The following GCC2 variants were observed in gnomAD, a reference collection of about 807,000 sequenced individuals.
The protein encoded by GCC2 is GRIP and coiled-coil domain-containing protein 2.
Under a neutral mutation model 210.6 loss-of-function variants are expected in GCC2, and 120 were observed. The ratio of observed to expected loss-of-function variants is 0.57; its 90% CI spans 0.49 to 0.66. GCC2 has a LOEUF of 0.66. GCC2 is among the 30% of genes least tolerant of loss of function. The pLI, the probability that GCC2 is intolerant of heterozygous loss-of-function variation, is 0.00. For synonymous variants in GCC2, 703 were observed against 652.7 expected (o/e 1.08, Z -1.17); for missense variants, 1,868 against 1,871.9 (o/e 1.00, Z 0.04).
intron 9 of GCC2, among the ~76,000 whole-genome samples, chr2:108,479,810 C>T (rs1197927915): frequency 6.6e-6 from 1 of 151,924 alleles, no homozygotes; most frequent in East Asian, 1.9e-4. Flanking sequence ...GGTGAAACCC[C>T]ATCTCTACTA....
At chr2:108,500,618 T>C (rs1232090137) in intron 22 of GCC2, among the ~76,000 whole-genome samples, 1 of 152,264 alleles carries the variant, frequency 6.6e-6, no homozygotes, top group East Asian at 1.9e-4. Flanking sequence ...ATGCTTCATA[T>C]ACAACTGCTA....
chr2:108,466,116 T>C (rs1213441031), intron 4 of GCC2, among the ~76,000 whole-genome samples: 2 of 152,246 alleles, frequency 1.3e-5, no homozygotes, highest in African/African-American at 4.8e-5. Context: ...CTTTGCCCAC[T>C]TTTTAATGGG....
chr2:108,449,386 C>A, intron 1 of GCC2, 106 bp downstream of exon 1: 2 of 1,474,944 alleles, frequency 1.4e-6, no homozygotes, highest in Non-Finnish European at 9.1e-7. Flanking sequence ...TCTTGGTGTC[C>A]CGAAGCCCGC....
chr2:108,456,669 T>G (rs188117299), intron 4 of GCC2, among the ~76,000 whole-genome samples: 1 of 152,076 alleles, frequency 6.6e-6, no homozygotes, highest in Non-Finnish European at 1.5e-5. Context: ...TTGTTTCTTT[T>G]GCTATGCAGA....
intron 22 of GCC2, among the ~76,000 whole-genome samples, chr2:108,506,631 G>T (rs1683200823): frequency 6.6e-6 from 1 of 152,116 alleles, no homozygotes; most frequent in South Asian, 2.1e-4. Context: ...TAAAACTTTG[G>T]TTTTTGTTTG....
At chr2:108,486,822 C>T (rs3754924) in intron 16 of GCC2, among the ~76,000 whole-genome samples, 174 bp downstream of exon 16, 18 of 152,284 alleles carry the variant, frequency 1.2e-4, no homozygotes, top group Middle Eastern at 3.4e-3. Context: ...CAACCCTAAT[C>T]GTAAGTTGGA....
At chr2:108,461,071 C>T (rs1240896533) in intron 4 of GCC2, among the ~76,000 whole-genome samples, 1 of 152,214 alleles carries the variant, frequency 6.6e-6, no homozygotes, top group East Asian at 1.9e-4. Context: ...ATTACCCAGG[C>T]TCAGATAGTT....
At position 108,468,991 on chromosome 2, in the gene GCC2, A is replaced by C. The variant is rs1047137238; in HGVS notation, c.228A>C (p.Glu76Asp). ...GTGDIIKALT[E>D]RLDALLLEKA... ...TTGTTCTAAAATAGGCATTAACTGA[A>C]CGTCTGGATGCTCTTCTTCTGGAAA... The change falls in exon 5 of 23, where the codon GAA becomes GAC. Residue 76 changes from glutamate to aspartate, a missense_variant. Around this residue, in one of 3 missense-constraint regions of GCC2, gnomAD observed 1,847 missense variants for 1,765.2 expected, o/e 1.05. Coordinates refer to ENST00000309863, the MANE Select transcript of GCC2 (RefSeq NM_181453.4). 1.2e-6 allele frequency: 2 copies of C among 1,609,246 alleles called. No individual in the cohort carries two copies. Among genetic ancestry groups the C allele is most frequent in the Non-Finnish European group, 1.7e-6 (2 of 1,175,852 alleles).
intron 10 of GCC2, 140 bp downstream of exon 10, chr2:108,481,956 GAGA>G: frequency 1.6e-6 from 1 of 616,290 alleles, no homozygotes; most frequent in Admixed American, 3.5e-5. Context: ...CCACTTAGGA[GAGA>G]AGAATAAGAC....
chr2:108,465,110 C>A (rs1220460157), intron 4 of GCC2, among the ~76,000 whole-genome samples: 2 of 152,216 alleles, frequency 1.3e-5, no homozygotes, highest in Admixed American at 1.3e-4. Context: ...ACCCCACTGC[C>A]AACATTGGGG....
chr2:108,463,168 A>C (rs1680699128), intron 4 of GCC2, among the ~76,000 whole-genome samples: 1 of 151,978 alleles, frequency 6.6e-6, no homozygotes, highest in Non-Finnish European at 1.5e-5. Context: ...TAGTATCGAA[A>C]TTTTGAATTC....
chr2:108,474,955 C>T (rs1430759869), intron 7 of GCC2: 1 of 152,112 alleles, frequency 6.6e-6, no homozygotes, highest in African/African-American at 2.4e-5. Context: ...AGGGAAGGCA[C>T]CGGTGCAAGT....
At chr2:108,503,167 T>TA (rs1044712389) in intron 22 of GCC2, among the ~76,000 whole-genome samples, 105 of 142,760 alleles carry the variant, frequency 7.4e-4, no homozygotes, top group Middle Eastern at 7.1e-3. Flanking sequence ...CAAGCAGTAT[T>TA]AAAAAAAAAA....
At chr2:108,487,639 A>C (rs533409534) in intron 16 of GCC2, 60 bp from the exon 17 acceptor site, 32 of 1,457,306 alleles carry the variant, frequency 2.2e-5, no homozygotes, top group Non-Finnish European at 2.9e-5. Flanking sequence ...TTAATCTCTG[A>C]AAGAAAATAG....
At position 108,469,674 on chromosome 2, in the gene GCC2, T is replaced by C. The variant is rs370827700; in HGVS notation, c.345T>C (p.Asp115=). ...EVEDSVTKMG[D]AHKELEQSHI... is the part of the protein sequence containing the mutation. ...AGGATTCTGTAACAAAGATGGGAGA[T>C]GCACATAAGGAGTTGGAACAATCAC... Residue 115 remains aspartate, a synonymous_variant, in exon 6 of 23, where the codon GAT becomes GAC. Coordinates refer to ENST00000309863, the MANE Select transcript of GCC2 (RefSeq NM_181453.4). 2.3e-5 allele frequency: 37 copies of C among 1,592,396 alleles called. No individual in the cohort carries two copies. The highest frequency in any genetic ancestry group is 3.1e-5 in the Non-Finnish European group (36 of 1,172,408).
chr2:108,464,817 A>G (rs1680788861), intron 4 of GCC2, among the ~76,000 whole-genome samples: 1 of 152,110 alleles, frequency 6.6e-6, no homozygotes, highest in Admixed American at 6.5e-5. Context: ...AAGAGGTTTA[A>G]TTCGTTCATC....
rs1683373632 is a variant in GCC2, at chr2:108,509,346, G to A, written c.*1716G>A. On this transcript the variant is annotated 3_prime_UTR_variant, in exon 23 of 23. Coordinates refer to ENST00000309863, the MANE Select transcript of GCC2 (RefSeq NM_181453.4). ...CATATTCTTTCATGGTTTCTGCAAT[G>A]AGAGGAAGTGTAATGATTATTTTAA... is the stretch of plus-strand genomic sequence containing the variant. The A allele has an allele frequency of 6.6e-6, 1 of 152,406 alleles. No homozygotes were observed. Among genetic ancestry groups the A allele is most frequent in the Admixed American group, 6.5e-5 (1 of 15,280 alleles). 9.4% of individuals were successfully genotyped at this position (152,406 alleles called of 1,614,324 possible).
chr2:108,492,685 C>G lies in GCC2; in HGVS notation c.4342C>G (p.Arg1448Gly). ...TCGAAATAGCTTCCGAGATCAAGTG[C>G]GACATTTGCAGGAAGAACACAGAAA... ...VLRNSFRDQV[R>G]HLQEEHRKTV... The change falls in exon 19 of 23, where the codon CGA (arginine) becomes GGA (glycine). Residue 1448 changes from arginine (R) to glycine (G), a missense_variant. Physicochemically the swap from Arg to Gly is moderately radical, Grantham distance 125 (BLOSUM62 -2). This residue lies in a region of GCC2 where 1,847 missense variants were observed against 1,765.2 expected (regional missense o/e 1.05). Transcript: ENST00000309863. 1.2e-6 allele frequency: 2 copies of G among 1,613,542 alleles called. No individual in the cohort carries two copies. Among genetic ancestry groups the G allele is most frequent in the Non-Finnish European group, 1.7e-6 (2 of 1,179,526 alleles).
intron 4 of GCC2, among the ~76,000 whole-genome samples, chr2:108,459,419 T>G (rs948323099): frequency 6.6e-6 from 1 of 152,236 alleles, no homozygotes; most frequent in Non-Finnish European, 1.5e-5. Flanking sequence ...TTCTGAAGAA[T>G]GAATGTTTCA....
Sources: allele counts gnomAD v4.1 joint callset (sites outside exome capture counted in the v4.1 genomes callset), GRCh38; gene constraint gnomAD v4.1.1; regional missense constraint gnomAD v4.1.1; transcripts MANE v1.5; gene names NCBI Gene and HGNC (gene_info 2026-07-23, HGNC 2026-07-21).